Variants in TPBGL observed in about 807,000 individuals in gnomAD.
The protein encoded by TPBGL is trophoblast glycoprotein-like.
For synonymous variants in TPBGL, 380 were observed against 314.8 expected (o/e 1.21, Z -2.19); for missense variants, 685 against 609.4 (o/e 1.12, Z -1.31).
At position 75,241,793 on chromosome 11, in the gene TPBGL, G is replaced by A. The variant is rs1183705207; in HGVS notation, c.744G>A (p.Trp248Ter). Residue 248 changes from tryptophan (W) to a stop codon, truncating the protein, a stop_gained, in exon 1 of 1, where the codon TGG becomes TGA. Transcript: ENST00000562197. LOFTEE classifies it low-confidence loss of function (END_TRUNC). ...GTGCCGCACGCCCCCTGCTGGCCTG[G>A]CTGCGCAACGCCACGGAGCGCGTGC... ...CGCAARPLLA[W>*]LRNATERVPD... The A allele has an allele frequency of 1.5e-6, 2 of 1,310,962 alleles. No individual in the cohort carries two copies. 81.2% of individuals were successfully genotyped at this position (1,310,962 alleles called of 1,614,324 possible). A position where few individuals can be genotyped will look rare whatever the true frequency, so the allele number is the denominator to read the frequency against.
chr11:75,241,819 C>G lies in TPBGL; in HGVS notation c.770C>G (p.Pro257Arg), dbSNP rs1945602325. The G allele has an allele frequency of 7.8e-7, 1 of 1,289,680 alleles. No homozygotes were observed. The highest frequency in any genetic ancestry group is 4.0e-5 in the Admixed American group (1 of 24,940). The allele number at this position is 1,289,680 out of a possible 1,614,324, so 79.9% of individuals were successfully genotyped here. Residue 257 changes from proline to arginine, a missense_variant, in exon 1 of 1, where the codon CCC (proline) becomes CGC (arginine). Coordinates refer to ENST00000562197, the MANE Select transcript of TPBGL (RefSeq NM_001195528.2). ...CTGCGCAACGCCACGGAGCGCGTGC[C>G]CGACTCGCGGCGCCTGCGCTGCGCC... ...AWLRNATERV[P>R]DSRRLRCAAP...
In TPBGL at chr11:75,241,267, T is replaced by A; in HGVS notation, c.218T>A (p.Leu73Gln). Residue 73 changes from leucine to glutamine, a missense_variant, in exon 1 of 1, where the codon CTG (leucine) becomes CAG (glutamine). By Grantham distance (113) the Leu-to-Gln change is moderately radical (BLOSUM62 -2). Transcript: ENST00000562197. ...LTIVGANLTVLRAAAFAGGDG... is the reference protein window; with the variant it reads ...LTIVGANLTVQRAAAFAGGDG... ...ATCGTAGGCGCCAACCTGACGGTGC[T>A]GCGCGCGGCCGCCTTCGCCGGCGGG... 1 of 1,361,648 alleles carries A rather than the reference T, an allele frequency of 7.3e-7. No individual in the cohort carries two copies. The highest frequency in any genetic ancestry group is 9.4e-7 in the Non-Finnish European group (1 of 1,063,300). 84.3% of individuals were successfully genotyped at this position (1,361,648 alleles called of 1,614,324 possible).
chr11:75,242,084 G>GTT lies in TPBGL; in HGVS notation c.1035_1036insTT (p.Asp346LeufsTer65). 1 of 1,434,234 alleles carries GTT rather than the reference G, an allele frequency of 7.0e-7. No individual in the cohort carries two copies. The highest frequency in any genetic ancestry group is 9.2e-7 in the Non-Finnish European group (1 of 1,089,720). The allele number at this position is 1,434,234 out of a possible 1,614,324, so 88.8% of individuals were successfully genotyped here. The stretch of plus-strand genomic sequence containing the variant: ...TGCGCAACCTGCGCGAGGCGTGCCG[G>GTT]GACCAGATGGAGGGCTACCACTACC... On this transcript the variant is annotated frameshift_variant, in exon 1 of 1. Transcript: ENST00000562197. LOFTEE classifies it low-confidence loss of function (END_TRUNC).
chr11:75,241,903 G>T lies in TPBGL; in HGVS notation c.854G>T (p.Cys285Phe). ...LLDLDGARLR[C>F]ADSGADARGE... Reference sequence around the variant, plus strand: ...GACCTGGACGGGGCGCGGCTTCGCTGCGCGGACAGCGGCGCCGACGCTCGC... The same window carrying T: ...GACCTGGACGGGGCGCGGCTTCGCTTCGCGGACAGCGGCGCCGACGCTCGC... Residue 285 changes from cysteine to phenylalanine, a missense_variant, in exon 1 of 1, where the codon TGC becomes TTC. Physicochemically the swap from Cys to Phe is radical, Grantham distance 205. Coordinates refer to ENST00000562197, the MANE Select transcript of TPBGL (RefSeq NM_001195528.2). 1 of 1,474,662 alleles carries T rather than the reference G, an allele frequency of 6.8e-7. No homozygotes were observed. The highest frequency in any genetic ancestry group is 9.0e-7 in the Non-Finnish European group (1 of 1,115,190). 91.3% of individuals were successfully genotyped at this position (1,474,662 alleles called of 1,614,324 possible).
In TPBGL at chr11:75,241,019, G is replaced by C. The variant is rs1288747229; in HGVS notation, c.-31G>C. 1 of 1,207,782 alleles carries C rather than the reference G, an allele frequency of 8.3e-7. No homozygotes were observed. The allele number at this position is 1,207,782 out of a possible 1,614,324, so 74.8% of individuals were successfully genotyped here. ...CTCCCAACTCACTGGTGAGCGCGGCGGCCCGGGCGCTGGATGCGGGGGCGG... is the reference window on the plus strand; with the variant it reads ...CTCCCAACTCACTGGTGAGCGCGGCCGCCCGGGCGCTGGATGCGGGGGCGG... On this transcript the variant is annotated 5_prime_UTR_variant, in exon 1 of 1. Transcript: ENST00000562197.
At position 75,241,592 on chromosome 11, in the gene TPBGL, C is replaced by T. The variant is rs1945599306; in HGVS notation, c.543C>T (p.Gly181=). The T allele has an allele frequency of 2.3e-6, 3 of 1,323,060 alleles. No homozygotes were observed. The highest frequency in any genetic ancestry group is 3.1e-5 in the South Asian group (2 of 64,718). 82.0% of individuals were successfully genotyped at this position (1,323,060 alleles called of 1,614,324 possible). Residue 181 remains glycine, a synonymous_variant, in exon 1 of 1, where the codon GGC becomes GGT. Transcript: ENST00000562197. ...AGCTTCGCCTGCTGGGCCTAGCGGG[C>T]AACGCGCTGAGCCGTCTGCCGCCAG... is the stretch of plus-strand genomic sequence containing the variant. The part of the protein sequence containing the change: ...LAELRLLGLA[G]NALSRLPPAA...
rs59390914 is a variant in TPBGL, at chr11:75,243,123, G to C, written c.*925G>C. The C allele has an allele frequency of 0.1, 15,120 of 151,522 alleles. 1,629 individuals carry two copies. The highest frequency in any genetic ancestry group is 0.27 in the African/African-American group (11,321 of 41,218). 9.4% of individuals were successfully genotyped at this position (151,522 alleles called of 1,614,324 possible). The stretch of plus-strand genomic sequence containing the variant: ...CCTGGGATGTCCTCATCCCCTTTTC[G>C]TCCCAGGACGAGCTCTTCAGTCCTG... On this transcript the variant is annotated 3_prime_UTR_variant, in exon 1 of 1. Transcript: ENST00000562197.
rs185014363 is a variant in TPBGL, at chr11:75,241,619, C to T, written c.570C>T (p.Ala190=). The T allele has an allele frequency of 2.3e-4, 299 of 1,312,770 alleles. 4 individuals are homozygous for T. In the East Asian group the frequency reaches 0.01, roughly 45 times the overall value. The allele number at this position is 1,312,770 out of a possible 1,614,324, so 81.3% of individuals were successfully genotyped here. A position where few individuals can be genotyped will look rare whatever the true frequency, so the allele number is the denominator to read the frequency against. The change falls in exon 1 of 1, where the codon GCC becomes GCT. Residue 190 remains alanine (A), a synonymous_variant. Coordinates refer to ENST00000562197, the MANE Select transcript of TPBGL (RefSeq NM_001195528.2). ...AGNALSRLPP[A]ALRLARLEQL... ...ACGCGCTGAGCCGTCTGCCGCCAGC[C>T]GCCCTGCGCCTGGCGCGCCTGGAGC...
chr11:75,241,094 C>A lies in TPBGL; in HGVS notation c.45C>A (p.Leu15=), dbSNP rs138623574. 1.3e-3 allele frequency: 1,796 copies of A among 1,356,662 alleles called. 18 individuals are homozygous for A. In the African/African-American group the frequency reaches 0.025, roughly 19 times the overall value. The allele number at this position is 1,356,662 out of a possible 1,614,324, so 84.0% of individuals were successfully genotyped here. Residue 15 remains leucine (L), a synonymous_variant, in exon 1 of 1, where the codon CTC becomes CTA. Coordinates refer to ENST00000562197, the MANE Select transcript of TPBGL (RefSeq NM_001195528.2). ...AGQPGLQGLL[L]VAAALSQPAA... Reference sequence around the variant, plus strand: ...AGCCGGGGCTCCAGGGGCTGCTGCTCGTGGCGGCGGCGCTGAGCCAGCCCG... The same window carrying A: ...AGCCGGGGCTCCAGGGGCTGCTGCTAGTGGCGGCGGCGCTGAGCCAGCCCG...
Position 75,241,803 on chromosome 11 carries a change from G to T in TPBGL, c.754G>T (p.Ala252Ser). 1 of 1,301,464 alleles carries T rather than the reference G, an allele frequency of 7.7e-7. No homozygotes were observed. The highest frequency in any genetic ancestry group is 9.7e-7 in the Non-Finnish European group (1 of 1,026,250). 80.6% of individuals were successfully genotyped at this position (1,301,464 alleles called of 1,614,324 possible). A position where few individuals can be genotyped will look rare whatever the true frequency, so the allele number is the denominator to read the frequency against. The change falls in exon 1 of 1, where the codon GCC (alanine) becomes TCC (serine). Residue 252 changes from alanine to serine, a missense_variant. Physicochemically the swap from Ala to Ser is moderately conservative, Grantham distance 99 (BLOSUM62 1). Coordinates refer to ENST00000562197, the MANE Select transcript of TPBGL (RefSeq NM_001195528.2). ...CCCCCTGCTGGCCTGGCTGCGCAAC[G>T]CCACGGAGCGCGTGCCCGACTCGCG... Reference protein sequence around the residue: ...ARPLLAWLRNATERVPDSRRL... With the variant: ...ARPLLAWLRNSTERVPDSRRL...
At position 75,241,907 on chromosome 11, in the gene TPBGL, G is replaced by A. The variant is rs865872901; in HGVS notation, c.858G>A (p.Ala286=). 1.6e-5 allele frequency: 24 copies of A among 1,476,190 alleles called. No homozygotes were observed. The highest frequency in any genetic ancestry group is 2.1e-5 in the Non-Finnish European group (23 of 1,115,890). The allele number at this position is 1,476,190 out of a possible 1,614,324, so 91.4% of individuals were successfully genotyped here. A position where few individuals can be genotyped will look rare whatever the true frequency, so the allele number is the denominator to read the frequency against. ...TGGACGGGGCGCGGCTTCGCTGCGC[G>A]GACAGCGGCGCCGACGCTCGCGGAG... is the stretch of plus-strand genomic sequence containing the variant. The part of the protein sequence containing the change: ...LDLDGARLRC[A]DSGADARGEE... Residue 286 remains alanine (A), a synonymous_variant, in exon 1 of 1, where the codon GCG becomes GCA. Transcript: ENST00000562197.
At position 75,241,801 on chromosome 11, in the gene TPBGL, A is replaced by T; in HGVS notation, c.752A>T (p.Asn251Ile). 2 of 1,308,784 alleles carry T rather than the reference A, an allele frequency of 1.5e-6. No homozygotes were observed. Among genetic ancestry groups the T allele is most frequent in the Non-Finnish European group, 1.9e-6 (2 of 1,029,450 alleles). The allele number at this position is 1,308,784 out of a possible 1,614,324, so 81.1% of individuals were successfully genotyped here. Residue 251 changes from asparagine to isoleucine, a missense_variant, in exon 1 of 1, where the codon AAC (asparagine) becomes ATC (isoleucine). Coordinates refer to ENST00000562197, the MANE Select transcript of TPBGL (RefSeq NM_001195528.2). The stretch of plus-strand genomic sequence containing the variant: ...CGCCCCCTGCTGGCCTGGCTGCGCA[A>T]CGCCACGGAGCGCGTGCCCGACTCG... Reference protein sequence around the residue: ...AARPLLAWLRNATERVPDSRR... With the variant: ...AARPLLAWLRIATERVPDSRR...
chr11:75,242,204 G>A lies in TPBGL; in HGVS notation c.*6G>A, dbSNP rs2140371146. The A allele has an allele frequency of 3.6e-6, 4 of 1,106,010 alleles. No individual in the cohort carries two copies. The highest frequency in any genetic ancestry group is 5.9e-5 in the East Asian group (1 of 17,054). 68.5% of individuals were successfully genotyped at this position (1,106,010 alleles called of 1,614,324 possible). On this transcript the variant is annotated 3_prime_UTR_variant, in exon 1 of 1. Coordinates refer to ENST00000562197, the MANE Select transcript of TPBGL (RefSeq NM_001195528.2). ...CCCCGGGCTCGGGGCTCTGAGCGGC[G>A]CCCCCGGGCTCGGGGCTTCCCTTGC...
chr11:75,241,629 C>T lies in TPBGL; in HGVS notation c.580C>T (p.Leu194=). ...LSRLPPAALR[L]ARLEQLDVRL... ...CCGTCTGCCGCCAGCCGCCCTGCGC[C>T]TGGCGCGCCTGGAGCAGCTGGACGT... The change falls in exon 1 of 1, where the codon CTG becomes TTG. Residue 194 remains leucine, a synonymous_variant. Transcript: ENST00000562197. The T allele has an allele frequency of 7.6e-7, 1 of 1,314,212 alleles. No individual in the cohort carries two copies. Among genetic ancestry groups the T allele is most frequent in the Non-Finnish European group, 9.8e-7 (1 of 1,024,662 alleles). The allele number at this position is 1,314,212 out of a possible 1,614,324, so 81.4% of individuals were successfully genotyped here.
At position 75,241,824 on chromosome 11, in the gene TPBGL, TCGCGGCGCCTG is replaced by T; in HGVS notation, c.779_789del (p.Arg260LeufsTer151). On this transcript the variant is annotated frameshift_variant, in exon 1 of 1. Coordinates refer to ENST00000562197, the MANE Select transcript of TPBGL (RefSeq NM_001195528.2). LOFTEE classifies it low-confidence loss of function (END_TRUNC). ...CAACGCCACGGAGCGCGTGCCCGAC[TCGCGGCGCCTG>T]CGCTGCGCCGCCCCGCGGGCGCTGC... 1 of 1,286,236 alleles carries T rather than the reference TCGCGGCGCCTG, an allele frequency of 7.8e-7. No homozygotes were observed. Among genetic ancestry groups the T allele is most frequent in the Non-Finnish European group, 9.8e-7 (1 of 1,021,414 alleles). The allele number at this position is 1,286,236 out of a possible 1,614,324, so 79.7% of individuals were successfully genotyped here.
rs1945595731 is a variant in TPBGL, at chr11:75,241,274, G to C, written c.225G>C (p.Ala75=). 1 of 1,353,296 alleles carries C rather than the reference G, an allele frequency of 7.4e-7. No individual in the cohort carries two copies. The highest frequency in any genetic ancestry group is 9.4e-7 in the Non-Finnish European group (1 of 1,059,072). 83.8% of individuals were successfully genotyped at this position (1,353,296 alleles called of 1,614,324 possible). A position where few individuals can be genotyped will look rare whatever the true frequency, so the allele number is the denominator to read the frequency against. ...GCGCCAACCTGACGGTGCTGCGCGC[G>C]GCCGCCTTCGCCGGCGGGGACGGGG... ...IVGANLTVLR[A]AAFAGGDGDG... Residue 75 remains alanine (A), a synonymous_variant, in exon 1 of 1, where the codon GCG becomes GCC. Coordinates refer to ENST00000562197, the MANE Select transcript of TPBGL (RefSeq NM_001195528.2).
In TPBGL at chr11:75,241,898, T is replaced by C. The variant is rs1316884461; in HGVS notation, c.849T>C (p.Leu283=). ...RPLLDLDGAR[L]RCADSGADAR... is the part of the protein sequence containing the mutation. Reference sequence around the variant, plus strand: ...TACTGGACCTGGACGGGGCGCGGCTTCGCTGCGCGGACAGCGGCGCCGACG... The same window carrying C: ...TACTGGACCTGGACGGGGCGCGGCTCCGCTGCGCGGACAGCGGCGCCGACG... The change falls in exon 1 of 1, where the codon CTT becomes CTC. Residue 283 remains leucine (L), a synonymous_variant. Transcript: ENST00000562197. 24 of 1,472,670 alleles carry C rather than the reference T, an allele frequency of 1.6e-5. No individual in the cohort carries two copies. Among genetic ancestry groups the C allele is most frequent in the Non-Finnish European group, 2.0e-5 (22 of 1,114,226 alleles). 91.2% of individuals were successfully genotyped at this position (1,472,670 alleles called of 1,614,324 possible).
chr11:75,240,794 C>A lies in TPBGL; in HGVS notation c.-256C>A, dbSNP rs745768696. ...TGCCCACTCGGCTCGGAGCCCGGAG[C>A]GGCCGCGGAAGCCGGAGGCCGGCGC... On this transcript the variant is annotated 5_prime_UTR_variant, in exon 1 of 1. Transcript: ENST00000562197. The A allele has an allele frequency of 1.1e-5, 3 of 267,022 alleles. No homozygotes were observed. The highest frequency in any genetic ancestry group is 1.4e-4 in the East Asian group (2 of 14,408). The allele number at this position is 267,022 out of a possible 1,614,324, so 16.5% of individuals were successfully genotyped here. A position where few individuals can be genotyped will look rare whatever the true frequency, so the allele number is the denominator to read the frequency against.
At position 75,241,957 on chromosome 11, in the gene TPBGL, A is replaced by G; in HGVS notation, c.908A>G (p.Glu303Gly). Residue 303 changes from glutamate (E) to glycine (G), a missense_variant, in exon 1 of 1, where the codon GAG becomes GGG. By Grantham distance (98) the Glu-to-Gly change is moderately conservative. Coordinates refer to ENST00000562197, the MANE Select transcript of TPBGL (RefSeq NM_001195528.2). ...GAGGAGGCGGAGGCCGCCGGCCCGG[A>G]GCTGGAAGCCTCCTACGTGTTCTTC... The part of the protein sequence containing the change: ...RGEEAEAAGP[E>G]LEASYVFFGL... 6.7e-7 allele frequency: 1 copy of G among 1,492,960 alleles called. No individual in the cohort carries two copies. The highest frequency in any genetic ancestry group is 8.9e-7 in the Non-Finnish European group (1 of 1,124,244). The allele number at this position is 1,492,960 out of a possible 1,614,324, so 92.5% of individuals were successfully genotyped here.
Sources: gnomAD v4.1 joint callset for allele counts on GRCh38, gnomAD v4.1.1 for gene constraint, MANE v1.5 for transcripts, NCBI Gene and HGNC (gene_info 2026-07-23, HGNC 2026-07-21) for gene names.